Variants in ARFGEF2 observed in about 807,000 individuals in gnomAD.
ARFGEF2 encodes ARF guanine nucleotide exchange factor 2.
ARFGEF2 carries 74 observed loss-of-function variants against 219.9 expected under a neutral mutation model. That is an observed-to-expected ratio of 0.34 (90% CI 0.28 to 0.41). ARFGEF2 has a LOEUF of 0.41. ARFGEF2 is among the 10% of genes least tolerant of loss of function. The pLI, the probability that ARFGEF2 is intolerant of heterozygous loss-of-function variation, is 1.00. For synonymous variants in ARFGEF2, 733 were observed against 799.2 expected (o/e 0.92, Z 1.40); for missense variants, 1,743 against 2,218.3 (o/e 0.79, Z 4.30).
intron 37 of ARFGEF2, among the ~76,000 whole-genome samples, chr20:49,030,159 C>T (rs530247745): frequency 7.6e-4 from 115 of 152,130 alleles, no homozygotes; most frequent in African/African-American, 2.7e-3. Flanking sequence ...CCCCCCACCT[C>T]GGCCTCCCAA....
chr20:48,950,085 C>A (rs921088307), intron 3 of ARFGEF2, among the ~76,000 whole-genome samples: 1 of 152,156 alleles, frequency 6.6e-6, no homozygotes, highest in East Asian at 1.9e-4. Context: ...TAGAAATCAT[C>A]CTGCTGCTGA....
At chr20:48,963,175 CAA>C (rs71337478) in intron 6 of ARFGEF2, among the ~76,000 whole-genome samples, 8 of 110,772 alleles carry the variant, frequency 7.2e-5, no homozygotes, top group Non-Finnish European at 8.9e-5. Context: ...AACTCTGTCT[CAA>C]AAAAAAAAAA....
intron 26 of ARFGEF2, among the ~76,000 whole-genome samples, chr20:49,006,819 C>G (rs1016773732): frequency 6.6e-6 from 1 of 151,402 alleles, no homozygotes; most frequent in Non-Finnish European, 1.5e-5. Flanking sequence ...CACATAGGAG[C>G]TGTCGGCCAT....
At chr20:48,961,942 G>A (rs2091155505) in intron 6 of ARFGEF2, among the ~76,000 whole-genome samples, 1 of 152,046 alleles carries the variant, frequency 6.6e-6, no homozygotes. Flanking sequence ...ACTTTGGGAG[G>A]CCGAGGTGGG....
intron 6 of ARFGEF2, among the ~76,000 whole-genome samples, chr20:48,954,994 A>G (rs1380379944): frequency 6.6e-6 from 1 of 152,238 alleles, no homozygotes; most frequent in Non-Finnish European, 1.5e-5. Context: ...CTGTGCAGAT[A>G]TAAAACCAAG....
intron 25 of ARFGEF2, among the ~76,000 whole-genome samples, chr20:49,004,088 G>T (rs2064669427): frequency 6.6e-6 from 1 of 152,016 alleles, no homozygotes; most frequent in South Asian, 2.1e-4. Flanking sequence ...TTCTCTGCCG[G>T]GCGTGGTGGC....
At chr20:49,010,975 C>T (rs2091494175) in intron 27 of ARFGEF2, among the ~76,000 whole-genome samples, 1 of 152,154 alleles carries the variant, frequency 6.6e-6, no homozygotes, top group Non-Finnish European at 1.5e-5. Flanking sequence ...CTATCGAGTG[C>T]CATGTTTTTT....
chr20:48,965,693 C>T (rs1029275762), intron 7 of ARFGEF2, among the ~76,000 whole-genome samples, 179 bp from the exon 8 acceptor site: 1 of 152,188 alleles, frequency 6.6e-6, no homozygotes, highest in Non-Finnish European at 1.5e-5. Flanking sequence ...ACTCGTAAGG[C>T]TTAAGCATCA....
chr20:48,988,397 C>T lies in ARFGEF2; in HGVS notation c.2361+9C>T. Reference sequence around the variant, plus strand: ...ACTTGCACAGTCCTCAGGTAAAGCACTTTAATGATTTACATGTTGTATTAG... The same window carrying T: ...ACTTGCACAGTCCTCAGGTAAAGCATTTTAATGATTTACATGTTGTATTAG... On this transcript the variant is annotated intron_variant, in intron 17 of 38. Transcript: ENST00000371917. 2 of 1,612,068 alleles carry T rather than the reference C, an allele frequency of 1.2e-6. No individual in the cohort carries two copies. Among genetic ancestry groups the T allele is most frequent in the Non-Finnish European group, 1.7e-6 (2 of 1,178,564 alleles).
intron 3 of ARFGEF2, among the ~76,000 whole-genome samples, chr20:48,942,395 C>T (rs2090998240): frequency 6.6e-6 from 1 of 151,876 alleles, no homozygotes; most frequent in African/African-American, 2.4e-5. Flanking sequence ...AGCAGTCCTA[C>T]CACCTTGGCT....
Position 48,998,243 on chromosome 20 carries a change from T to G in ARFGEF2, c.3262+10T>G. On this transcript the variant is annotated intron_variant, in intron 24 of 38. Coordinates refer to ENST00000371917, the MANE Select transcript of ARFGEF2 (RefSeq NM_006420.3). Reference sequence around the variant, plus strand: ...GATGGAAATGCAATAGGTATGTATTTGACTTACCTGTGAAAACTGCAGAAG... The same window carrying G: ...GATGGAAATGCAATAGGTATGTATTGGACTTACCTGTGAAAACTGCAGAAG... 6.2e-7 allele frequency: 1 copy of G among 1,614,016 alleles called. No individual in the cohort carries two copies. Among genetic ancestry groups the G allele is most frequent in the Non-Finnish European group, 8.5e-7 (1 of 1,179,852 alleles).
chr20:49,011,834 T>A, intron 27 of ARFGEF2, 90 bp from the exon 28 acceptor site: 2 of 1,210,594 alleles, frequency 1.7e-6, no homozygotes, highest in East Asian at 2.4e-5. Flanking sequence ...CTGATGTATG[T>A]GTGTGTGTGT....
intron 3 of ARFGEF2, among the ~76,000 whole-genome samples, chr20:48,943,561 A>T (rs144298287): frequency 1.1e-3 from 160 of 152,248 alleles, no homozygotes; most frequent in African/African-American, 3.8e-3. Flanking sequence ...TACCCCAAAG[A>T]ACATTTATTC....
At chr20:48,968,669 A>G (rs1005766282) in intron 8 of ARFGEF2, among the ~76,000 whole-genome samples, 2 of 152,168 alleles carry the variant, frequency 1.3e-5, no homozygotes, top group African/African-American at 4.8e-5. Context: ...CCTGGCTTAC[A>G]ATAGTATTCT....
chr20:49,028,941 G>C, intron 37 of ARFGEF2, among the ~76,000 whole-genome samples: 1 of 152,192 alleles, frequency 6.6e-6, no homozygotes, highest in East Asian at 1.9e-4. Context: ...AAAGTGCTCC[G>C]AGCGGTCAGC....
At chr20:48,946,739 T>C (rs1431541378) in intron 3 of ARFGEF2, among the ~76,000 whole-genome samples, 1 of 152,004 alleles carries the variant, frequency 6.6e-6, no homozygotes, top group African/African-American at 2.4e-5. Context: ...ACTCCTGAGC[T>C]TAAGCCCACC....
intron 26 of ARFGEF2, among the ~76,000 whole-genome samples, chr20:49,006,955 C>T (rs1387858294): frequency 5.9e-5 from 9 of 151,676 alleles, no homozygotes; most frequent in Admixed American, 5.9e-4. Context: ...GCTGGGATTA[C>T]AGGCACGAGC....
intron 25 of ARFGEF2, among the ~76,000 whole-genome samples, chr20:49,003,692 A>G (rs1299847280): frequency 2.0e-5 from 3 of 152,194 alleles, no homozygotes; most frequent in East Asian, 1.9e-4. Context: ...CCTCTGCAAG[A>G]TATCCCCAGA....
rs1474646069 is a variant in ARFGEF2, at chr20:49,035,149, T to G, written c.*1950T>G. 6.6e-6 allele frequency: 1 copy of G among 152,228 alleles called. No individual in the cohort carries two copies. The highest frequency in any genetic ancestry group is 1.9e-4 in the East Asian group (1 of 5,200). The allele number at this position is 152,228 out of a possible 1,614,324, so 9.4% of individuals were successfully genotyped here. ...GGTATACATGGGGAACACGTGTTCA[T>G]TCATTAAGTCCATCTTGCGTGCAGC... On this transcript the variant is annotated 3_prime_UTR_variant, in exon 39 of 39. Coordinates refer to ENST00000371917, the MANE Select transcript of ARFGEF2 (RefSeq NM_006420.3).
Sources: allele counts gnomAD v4.1 joint callset (sites outside exome capture counted in the v4.1 genomes callset), GRCh38; gene constraint gnomAD v4.1.1; transcripts MANE v1.5; gene names NCBI Gene and HGNC (gene_info 2026-07-23, HGNC 2026-07-21).